The following GRIA4 variants were observed in gnomAD, a reference collection of about 807,000 sequenced individuals.
The protein encoded by GRIA4 is glutamate ionotropic receptor AMPA type subunit 4.
A neutral mutation model predicts 104.0 loss-of-function variants in GRIA4; 34 were observed. The observed-to-expected ratio is 0.33, with a 90% CI of 0.25 to 0.44. The LOEUF is 0.44. Ranked by LOEUF, GRIA4 falls within the 20% of genes least tolerant of loss-of-function variation. The pLI is 1.00. For synonymous variants in GRIA4, 386 were observed against 381.9 expected, an observed-to-expected ratio of 1.01 and a Z score of -0.13; for missense variants, 750 against 1,096.5, an observed-to-expected ratio of 0.68 and a Z score of 4.46.
intron 12 of GRIA4, 120 bp downstream of exon 12, chr11:105,924,889 A>G (rs1947662918): frequency 4.1e-6 from 3 of 738,730 alleles, no homozygotes; most frequent in Non-Finnish European, 4.3e-6. Context: ...ACAGAAAAAG[A>G]CTTGCAATTC....
chr11:105,627,726 T>C (rs1005371205), intron 3 of GRIA4, among the ~76,000 whole-genome samples: 22 of 152,144 alleles, frequency 1.4e-4, no homozygotes, highest in Non-Finnish European at 5.9e-5. Flanking sequence ...AAGTCGGTTA[T>C]AATAAACAGG....
intron 3 of GRIA4, among the ~76,000 whole-genome samples, chr11:105,671,459 C>T (rs1952362808): frequency 6.6e-6 from 1 of 151,360 alleles, no homozygotes; most frequent in Admixed American, 6.6e-5. Flanking sequence ...GGTGAATCAC[C>T]TAGGGTCAGG....
At position 105,852,916 on chromosome 11, in the gene GRIA4, G is replaced by T. The variant is rs1280213882; in HGVS notation, c.488-9108G>T. 6.7e-5 allele frequency among the ~76,000 whole-genome samples: 10 copies of T among 148,556 alleles called. No individual in the cohort carries two copies. The East Asian group carries it at 2.0e-3, about 29-fold the overall frequency. On this transcript the variant is annotated intron_variant, in intron 4 of 16. Transcript: ENST00000282499. Reference sequence around the variant, plus strand: ...ATATCACTTTCAAATCAACCAAAATGAATGGTTTTGGCTTTGTGTATAAAA... The same window carrying T: ...ATATCACTTTCAAATCAACCAAAATTAATGGTTTTGGCTTTGTGTATAAAA...
intron 14 of GRIA4, among the ~76,000 whole-genome samples, chr11:105,946,305 C>T (rs964439370): frequency 2.0e-5 from 3 of 151,990 alleles, no homozygotes; most frequent in Admixed American, 6.6e-5. Context: ...TTTAAAGGGG[C>T]GGTGCAGTGG....
At chr11:105,793,204 G>C (rs1942293314) in intron 4 of GRIA4, among the ~76,000 whole-genome samples, 1 of 152,132 alleles carries the variant, frequency 6.6e-6, no homozygotes, top group South Asian at 2.1e-4. Context: ...GGGGGCCCTA[G>C]ATTAGACAAG....
chr11:105,774,533 G>A (rs1941369282), intron 4 of GRIA4, among the ~76,000 whole-genome samples: 1 of 152,120 alleles, frequency 6.6e-6, no homozygotes. Context: ...TCATCTTGAA[G>A]TAGTATTAAT....
intron 14 of GRIA4, 127 bp downstream of exon 14, chr11:105,934,096 C>G (rs1565351729): frequency 1.2e-6 from 1 of 813,898 alleles, no homozygotes; most frequent in Non-Finnish European, 1.9e-6. Context: ...TTCTTTTTCT[C>G]CATTTCATAT....
At chr11:105,657,388 A>C (rs974550570) in intron 3 of GRIA4, among the ~76,000 whole-genome samples, 1 of 152,012 alleles carries the variant, frequency 6.6e-6, no homozygotes, top group Non-Finnish European at 1.5e-5. Flanking sequence ...AAATAATCAT[A>C]AAAAACTCTA....
At chr11:105,834,912 T>C (rs973157448) in intron 4 of GRIA4, among the ~76,000 whole-genome samples, 1 of 152,016 alleles carries the variant, frequency 6.6e-6, no homozygotes, top group African/African-American at 2.4e-5. Flanking sequence ...ATCACCCTAG[T>C]AAATATAGTT....
At chr11:105,803,862 AGAGAG>A (rs1383899559) in intron 4 of GRIA4, among the ~76,000 whole-genome samples, 13 of 136,628 alleles carry the variant, frequency 9.5e-5, no homozygotes, top group African/African-American at 3.9e-4. Flanking sequence ...AAAAAAAAAA[AGAGAG>A]AGAGAGAGAG....
Position 105,979,749 on chromosome 11 carries a change from A to C in GRIA4, c.*10A>C. On this transcript the variant is annotated 3_prime_UTR_variant, in exon 17 of 17. Coordinates refer to ENST00000282499, the MANE Select transcript of GRIA4 (RefSeq NM_000829.4). The stretch of plus-strand genomic sequence containing the variant: ...ATCGGACCTACCATAAAAACCAAAA[A>C]AATAATTGAGTGCCTTAATTAAACT... 4 of 1,607,290 alleles carry C rather than the reference A, an allele frequency of 2.5e-6. No individual in the cohort carries two copies. Among genetic ancestry groups the C allele is most frequent in the Non-Finnish European group, 3.4e-6 (4 of 1,174,166 alleles).
At chr11:105,917,199 T>A (rs181512717) in intron 10 of GRIA4, among the ~76,000 whole-genome samples, 15 of 152,296 alleles carry the variant, frequency 9.8e-5, no homozygotes, top group Admixed American at 2.6e-4. Context: ...AAGAACTTTT[T>A]ACCTGATTCC....
chr11:105,614,876 G>T, intron 3 of GRIA4, among the ~76,000 whole-genome samples: 1 of 151,854 alleles, frequency 6.6e-6, no homozygotes, highest in East Asian at 1.9e-4. Flanking sequence ...AAGGTAAAAC[G>T]TAAGCAGTAA....
intron 3 of GRIA4, among the ~76,000 whole-genome samples, chr11:105,719,396 T>C (rs1454074365): frequency 2.0e-5 from 3 of 152,136 alleles, no homozygotes. Flanking sequence ...TCTCATCAAA[T>C]TAGTAATCTT....
chr11:105,858,339 T>C (rs763457387), intron 4 of GRIA4, among the ~76,000 whole-genome samples: 1 of 152,264 alleles, frequency 6.6e-6, no homozygotes, highest in Admixed American at 6.5e-5. Context: ...GTTTCACCTT[T>C]GTATTTCACA....
intron 4 of GRIA4, among the ~76,000 whole-genome samples, chr11:105,779,718 C>G (rs1941635428): frequency 6.6e-6 from 1 of 151,892 alleles, no homozygotes; most frequent in South Asian, 2.1e-4. Context: ...AATCCTAAGT[C>G]AAAAGAACAA....
At chr11:105,748,819 C>T (rs916839376) in intron 3 of GRIA4, among the ~76,000 whole-genome samples, 2 of 152,098 alleles carry the variant, frequency 1.3e-5, no homozygotes, top group Non-Finnish European at 2.9e-5. Context: ...AGGAAGAAAA[C>T]CATTGCAACC....
In GRIA4 at chr11:105,739,298, T is replaced by C. The variant is rs185987203; in HGVS notation, c.248-13683T>C. ...ACAAGCCTGTATATTTTTACTGAGCTCTCAATTAGTTTAATTTAGAATTGA... is the reference window on the plus strand; with the variant it reads ...ACAAGCCTGTATATTTTTACTGAGCCCTCAATTAGTTTAATTTAGAATTGA... On this transcript the variant is annotated intron_variant, in intron 3 of 16. Coordinates refer to ENST00000282499, the MANE Select transcript of GRIA4 (RefSeq NM_000829.4). Among the ~76,000 whole-genome samples, 78 of 152,286 alleles carry C rather than the reference T, an allele frequency of 5.1e-4. 2 individuals are homozygous for C. Among genetic ancestry groups the C allele is most frequent in the Non-Finnish European group, 1.8e-4 (12 of 68,022 alleles).
intron 4 of GRIA4, among the ~76,000 whole-genome samples, chr11:105,767,264 C>T (rs1185797882): frequency 1.3e-5 from 2 of 152,076 alleles, no homozygotes; most frequent in Non-Finnish European, 2.9e-5. Context: ...ATCAGGAATG[C>T]TTGTTCCCTA....
Sources: allele counts gnomAD v4.1 joint callset (sites outside exome capture counted in the v4.1 genomes callset), GRCh38; gene constraint gnomAD v4.1.1; transcripts MANE v1.5; gene names NCBI Gene and HGNC (gene_info 2026-07-23, HGNC 2026-07-21).